SOHLH2: variants seen among roughly 807,000 people sequenced by gnomAD.
The protein encoded by SOHLH2 is spermatogenesis- and oogenesis-specific basic helix-loop-helix-containing protein 2.
A neutral mutation model predicts 50.4 loss-of-function variants in SOHLH2; 22 were observed. The observed-to-expected ratio is 0.44, with a 90% CI of 0.31 to 0.62. SOHLH2 has a LOEUF of 0.62. SOHLH2 is among the 20% of genes least tolerant of loss of function. The probability of loss-of-function intolerance (pLI) is 0.08; values close to 1 mark genes in which losing one functional copy is unlikely to be tolerated. For synonymous variants in SOHLH2, 185 were observed against 187.3 expected (o/e 0.99, Z 0.10); for missense variants, 412 against 504.4 (o/e 0.82, Z 1.76).
chr13:36,184,283 G>T (rs1887339453), intron 6 of SOHLH2, among the ~76,000 whole-genome samples: 2 of 151,952 alleles, frequency 1.3e-5, no homozygotes, highest in South Asian at 4.1e-4. Context: ...AATCACAAGG[G>T]ATATGAGAAA....
intron 4 of SOHLH2, among the ~76,000 whole-genome samples, chr13:36,192,352 C>T (rs548953563): frequency 1.8e-4 from 27 of 152,204 alleles, no homozygotes; most frequent in African/African-American, 6.3e-4. Context: ...TGGTCATGAC[C>T]AACAGAGGGG....
chr13:36,180,949 A>T (rs1887236796), intron 6 of SOHLH2, among the ~76,000 whole-genome samples: 1 of 152,136 alleles, frequency 6.6e-6, no homozygotes, highest in African/African-American at 2.4e-5. Context: ...CCAGTTGTAT[A>T]AATTGCTGAG....
intron 10 of SOHLH2, among the ~76,000 whole-genome samples, 157 bp from the exon 11 acceptor site, chr13:36,169,211 T>C (rs756492062): frequency 6.6e-6 from 1 of 152,208 alleles, no homozygotes; most frequent in Non-Finnish European, 1.5e-5. Flanking sequence ...TTTAAATATA[T>C]ATTCTTATTA....
chr13:36,193,122 G>A (rs1234623232), intron 4 of SOHLH2, among the ~76,000 whole-genome samples: 1 of 152,120 alleles, frequency 6.6e-6, no homozygotes, highest in Non-Finnish European at 1.5e-5. Context: ...AATATAATAG[G>A]CAAAGAGTTT....
chr13:36,190,171 A>G (rs1887535154), intron 5 of SOHLH2, 115 bp from the exon 6 acceptor site: 1 of 846,234 alleles, frequency 1.2e-6, no homozygotes, highest in African/African-American at 1.7e-5. Context: ...CTTGCTTCAT[A>G]CAAAGGGGCA....
At chr13:36,182,191 G>A (rs1887276396) in intron 6 of SOHLH2, 7 of 985,378 alleles carry the variant, frequency 7.1e-6, no homozygotes, top group Non-Finnish European at 8.4e-6. Context: ...GCAAAAGATG[G>A]TAATACAGGG....
intron 6 of SOHLH2, chr13:36,183,075 C>T (rs900665541): frequency 4.0e-6 from 1 of 252,548 alleles, no homozygotes; most frequent in Non-Finnish European, 8.9e-6. Flanking sequence ...GGGGCCTCTC[C>T]TTTCTCTCTC....
At chr13:36,185,201 G>C (rs1593943537) in intron 6 of SOHLH2, among the ~76,000 whole-genome samples, 4 of 152,220 alleles carry the variant, frequency 2.6e-5, no homozygotes, top group Middle Eastern at 3.4e-3. Context: ...GGGCACGATG[G>C]CTCATGCCTG....
intron 6 of SOHLH2, among the ~76,000 whole-genome samples, chr13:36,186,210 A>AG (rs1419514329): frequency 1.3e-5 from 2 of 152,218 alleles, no homozygotes; most frequent in African/African-American, 4.8e-5. Context: ...TACTAGATAG[A>AG]GAAAAAAAGA....
chr13:36,170,571 GA>G lies in SOHLH2; in HGVS notation c.1216del (p.Ser406LeufsTer67). On this transcript the variant is annotated frameshift_variant, in exon 10 of 11. Coordinates refer to ENST00000379881, the MANE Select transcript of SOHLH2 (RefSeq NM_017826.3). LOFTEE classifies it high-confidence loss of function. ...TGTAGTGCACGTCTGGCCCAACCCA[GA>G]AGTGCAGTGCCGAGGGAGAAGCTTT... The part of the protein sequence containing the change: ...VSKLLPRHCT[S>X]GLGQTCTTHP... The G allele has an allele frequency of 6.2e-7, 1 of 1,614,160 alleles. No individual in the cohort carries two copies. Among genetic ancestry groups the G allele is most frequent in the Non-Finnish European group, 8.5e-7 (1 of 1,180,004 alleles).
intron 9 of SOHLH2, among the ~76,000 whole-genome samples, chr13:36,172,334 G>A (rs139058799): frequency 6.6e-6 from 1 of 152,304 alleles, no homozygotes; most frequent in Non-Finnish European, 1.5e-5. Context: ...ATCATTCCAT[G>A]TCACATTCAG....
At chr13:36,183,343 G>T (rs1259599611) in intron 6 of SOHLH2, 2 of 168,012 alleles carry the variant, frequency 1.2e-5, no homozygotes, top group South Asian at 1.5e-4. Flanking sequence ...ATGAAAGAAG[G>T]TAAATAGAAA....
chr13:36,205,697 T>TAA (rs1159243277), intron 1 of SOHLH2, among the ~76,000 whole-genome samples: 1 of 152,110 alleles, frequency 6.6e-6, no homozygotes, highest in Non-Finnish European at 1.5e-5. Flanking sequence ...TGTATTGCCT[T>TAA]ATCTTGTTTA....
intron 6 of SOHLH2, among the ~76,000 whole-genome samples, chr13:36,179,962 C>G (rs987990693): frequency 6.6e-6 from 1 of 152,068 alleles, no homozygotes; most frequent in Non-Finnish European, 1.5e-5. Context: ...TCTGTAAGAA[C>G]GTGTTTAAGA....
intron 2 of SOHLH2, among the ~76,000 whole-genome samples, chr13:36,195,694 C>A (rs1283752191): frequency 6.6e-6 from 1 of 152,084 alleles, no homozygotes; most frequent in Non-Finnish European, 1.5e-5. Flanking sequence ...GCGGGCATAC[C>A]CGTGAACCTT....
At chr13:36,213,482 C>G (rs934924906) in intron 1 of SOHLH2, among the ~76,000 whole-genome samples, 15 of 152,294 alleles carry the variant, frequency 9.8e-5, no homozygotes, top group African/African-American at 3.4e-4. Flanking sequence ...AAAGATTGCT[C>G]TCTCCTATTT....
chr13:36,191,966 G>T, intron 4 of SOHLH2, 72 bp from the exon 5 acceptor site: 1 of 1,509,354 alleles, frequency 6.6e-7, no homozygotes, highest in Non-Finnish European at 9.1e-7. Context: ...AAACACACAA[G>T]CCCCAATCCT....
chr13:36,211,476 C>T (rs1167614863), intron 1 of SOHLH2, among the ~76,000 whole-genome samples: 1 of 152,232 alleles, frequency 6.6e-6, no homozygotes, highest in Admixed American at 6.5e-5. Flanking sequence ...ATGGGGCTTA[C>T]ATTCTAATAG....
chr13:36,184,544 C>CCGCCTCCCGGGTTCACGCCATT (rs1418746286), intron 6 of SOHLH2, among the ~76,000 whole-genome samples: 1 of 147,612 alleles, frequency 6.8e-6, no homozygotes, highest in East Asian at 2.0e-4. Context: ...ACTGCAAGCT[C>CCGCCTCCCGGGTTCACGCCATT]CGCCTCCCGG....
Sources: gnomAD v4.1 joint callset for allele counts (sites outside exome capture counted in the v4.1 genomes callset) on GRCh38, gnomAD v4.1.1 for gene constraint, MANE v1.5 for transcripts, NCBI Gene and HGNC (gene_info 2026-07-23, HGNC 2026-07-21) for gene names.